Variants in SNTB2 observed in about 807,000 individuals in gnomAD.
SNTB2 encodes the protein beta-2-syntrophin.
A neutral mutation model predicts 46.2 loss-of-function variants in SNTB2; 34 were observed. That is an observed-to-expected ratio of 0.74 (90% CI 0.56 to 0.98). The LOEUF (loss-of-function observed/expected upper bound fraction) is 0.98. Ranked by LOEUF, SNTB2 falls within the 50% of genes least tolerant of loss-of-function variation. The pLI is 0.00. For synonymous variants in SNTB2, 290 were observed against 312.6 expected (o/e 0.93, Z 0.76); for missense variants, 603 against 731.4 (o/e 0.82, Z 2.02).
rs750012315 is a variant in SNTB2, at chr16:69,187,388, A to C, written c.222A>C (p.Pro74=). Reference sequence around the variant, plus strand: ...CGGCCGCCGCCTTCAACGGCCTCCCAAACGGCGGCGGCGCGGGCGACTCGC... The same window carrying C: ...CGGCCGCCGCCTTCAACGGCCTCCCCAACGGCGGCGGCGCGGGCGACTCGC... ...GPAAAAFNGL[P]NGGGAGDSLP... Residue 74 remains proline (P), a synonymous_variant, in exon 1 of 7, where the codon CCA becomes CCC. Transcript: ENST00000336278. 6.1e-6 allele frequency: 8 copies of C among 1,306,968 alleles called. No individual in the cohort carries two copies. The South Asian group carries it at 1.3e-4, about 21-fold the overall frequency. 81.0% of individuals were successfully genotyped at this position (1,306,968 alleles called of 1,614,324 possible). A position where few individuals can be genotyped will look rare whatever the true frequency, so the allele number is the denominator to read the frequency against.
chr16:69,248,888 A>G (rs1180897310), intron 2 of SNTB2, among the ~76,000 whole-genome samples: 4 of 140,682 alleles, frequency 2.8e-5, no homozygotes, highest in African/African-American at 1.1e-4. Flanking sequence ...TTTTTTTTTT[A>G]AAGTTAGGGG....
chr16:69,280,763 G>A (rs939025041), intron 4 of SNTB2, among the ~76,000 whole-genome samples: 19 of 151,738 alleles, frequency 1.3e-4, no homozygotes, highest in South Asian at 2.1e-4. Context: ...TATGTGTTTT[G>A]CAAAATTTTT....
intron 5 of SNTB2, among the ~76,000 whole-genome samples, 189 bp from the exon 6 acceptor site, chr16:69,299,400 CA>C (rs1396897428): frequency 6.6e-6 from 1 of 152,174 alleles, no homozygotes; most frequent in African/African-American, 2.4e-5. Context: ...CTCGGCCTCC[CA>C]AAGTGCTGGG....
At chr16:69,273,447 CATT>C (rs1446436578) in intron 4 of SNTB2, among the ~76,000 whole-genome samples, 2 of 152,152 alleles carry the variant, frequency 1.3e-5, no homozygotes, top group Non-Finnish European at 2.9e-5. Context: ...ATCTTGAAAA[CATT>C]ATGCTAAGTG....
intron 1 of SNTB2, among the ~76,000 whole-genome samples, chr16:69,210,565 G>A (rs532033529): frequency 5.3e-5 from 8 of 150,826 alleles, no homozygotes; most frequent in African/African-American, 1.9e-4. Context: ...ACAGGCTCTT[G>A]CTCTGTTGCC....
At chr16:69,199,357 G>C (rs1196751452) in intron 1 of SNTB2, among the ~76,000 whole-genome samples, 1 of 152,128 alleles carries the variant, frequency 6.6e-6, no homozygotes, top group Non-Finnish European at 1.5e-5. Flanking sequence ...TAGATTTGCA[G>C]ATAAATCGGC....
intron 4 of SNTB2, among the ~76,000 whole-genome samples, chr16:69,276,196 A>C (rs2143134945): frequency 7.0e-6 from 1 of 143,550 alleles, no homozygotes; most frequent in Middle Eastern, 3.6e-3. Context: ...AAGAGAAAAA[A>C]GATCTCAAAA....
In SNTB2 at chr16:69,218,567, G is replaced by A. The variant is rs187138558; in HGVS notation, c.581-27035G>A. Among the ~76,000 whole-genome samples, 119 of 151,898 alleles carry A rather than the reference G, an allele frequency of 7.8e-4. 1 individual carries two copies. The East Asian group carries it at 0.019, about 24-fold the overall frequency. On this transcript the variant is annotated intron_variant, in intron 1 of 6. Transcript: ENST00000336278. ...CTCACGAGTAGCTGGGATTACAGGC[G>A]CCTGCCACCACACCCGGCTAATGTT...
chr16:69,226,760 G>A (rs529456676), intron 1 of SNTB2, among the ~76,000 whole-genome samples: 9 of 152,086 alleles, frequency 5.9e-5, no homozygotes, highest in Admixed American at 2.6e-4. Flanking sequence ...TGAACTTGTG[G>A]GCTCAAGCAA....
chr16:69,200,870 A>G (rs1455885559), intron 1 of SNTB2, among the ~76,000 whole-genome samples: 2 of 151,994 alleles, frequency 1.3e-5, no homozygotes, highest in African/African-American at 2.4e-5. Context: ...GTTTGCTTTT[A>G]CTTTACCCTC....
chr16:69,196,446 C>T (rs184262869), intron 1 of SNTB2, among the ~76,000 whole-genome samples: 1 of 143,678 alleles, frequency 7.0e-6, no homozygotes, highest in East Asian at 2.1e-4. Context: ...GTGATCTCGG[C>T]TCACTGCAAC....
chr16:69,300,699 G>A, intron 6 of SNTB2, 133 bp from the exon 7 acceptor site: 1 of 642,816 alleles, frequency 1.6e-6, no homozygotes, highest in Non-Finnish European at 2.8e-6. Context: ...TTTTGCCTGT[G>A]GCTTTAAGTT....
At chr16:69,217,369 G>T (rs1964359667) in intron 1 of SNTB2, among the ~76,000 whole-genome samples, 1 of 152,166 alleles carries the variant, frequency 6.6e-6, no homozygotes, top group South Asian at 2.1e-4. Context: ...AGGTACTTGG[G>T]AGGCTGAGGT....
chr16:69,207,514 A>G (rs1350588729), intron 1 of SNTB2, among the ~76,000 whole-genome samples: 1 of 152,174 alleles, frequency 6.6e-6, no homozygotes, highest in Non-Finnish European at 1.5e-5. Flanking sequence ...TATGTTGACC[A>G]ATTATAAAGT....
In SNTB2 at chr16:69,260,066, T is replaced by G. The variant is rs778843058; in HGVS notation, c.811T>G (p.Ser271Ala). 3.7e-6 allele frequency: 6 copies of G among 1,613,630 alleles called. No individual in the cohort carries two copies. The highest frequency in any genetic ancestry group is 5.1e-6 in the Non-Finnish European group (6 of 1,179,636). Residue 271 changes from serine to alanine, a missense_variant, in exon 3 of 7, where the codon TCT becomes GCT. Transcript: ENST00000336278. ...TCCACACAGATTGATAGAGCTACATTCTCCTGATAGCAGGAACACGTTGAT... is the reference window on the plus strand; with the variant it reads ...TCCACACAGATTGATAGAGCTACATGCTCCTGATAGCAGGAACACGTTGAT... ...DLENRLIELH[S>A]PDSRNTLILR...
At chr16:69,291,049 A>G (rs1965154840) in intron 5 of SNTB2, among the ~76,000 whole-genome samples, 5 of 152,222 alleles carry the variant, frequency 3.3e-5, no homozygotes, top group Admixed American at 3.3e-4. Context: ...CATGCCTTTG[A>G]CCAAATAGCA....
At chr16:69,274,970 T>G (rs1308957529) in intron 4 of SNTB2, among the ~76,000 whole-genome samples, 2 of 152,042 alleles carry the variant, frequency 1.3e-5, no homozygotes, top group African/African-American at 4.8e-5. Context: ...TTGTCTGCCT[T>G]CCTTCCTCCT....
At chr16:69,202,356 T>TA (rs1964171185) in intron 1 of SNTB2, among the ~76,000 whole-genome samples, 1 of 150,840 alleles carries the variant, frequency 6.6e-6, no homozygotes, top group African/African-American at 2.5e-5. Context: ...GTATGGTAGT[T>TA]ACTATTCATA....
chr16:69,227,380 T>C (rs183107618), intron 1 of SNTB2, among the ~76,000 whole-genome samples: 122 of 152,340 alleles, frequency 8.0e-4, no homozygotes, highest in South Asian at 3.9e-3. Context: ...GTTACAGTGA[T>C]GCCATATAGA....
Sources: gnomAD v4.1 joint callset for allele counts (sites outside exome capture counted in the v4.1 genomes callset) on GRCh38, gnomAD v4.1.1 for gene constraint, MANE v1.5 for transcripts, NCBI Gene and HGNC (gene_info 2026-07-23, HGNC 2026-07-21) for gene names.